GABRB3: variants seen among roughly 807,000 people sequenced by gnomAD.
GABRB3 encodes gamma-aminobutyric acid receptor subunit beta-3.
A neutral mutation model predicts 52.1 loss-of-function variants in GABRB3; 14 were observed. That is an observed-to-expected ratio of 0.27 (90% confidence interval 0.18 to 0.42). The LOEUF is 0.42. Among genes scored for constraint, GABRB3 ranks in the 10% least tolerant of loss-of-function variants. The probability of loss-of-function intolerance (pLI) is 1.00; values close to 1 mark genes in which losing one functional copy is unlikely to be tolerated. For missense variants in GABRB3, 307 were observed against 609.1 expected, an observed-to-expected ratio of 0.50 and a Z score of 5.22; for synonymous variants, 260 against 232.3, an observed-to-expected ratio of 1.12 and a Z score of -1.08.
At chr15:26,584,069 C>A (rs1446089431) in intron 4 of GABRB3, among the ~76,000 whole-genome samples, 1 of 152,202 alleles carries the variant, frequency 6.6e-6, no homozygotes, top group Non-Finnish European at 1.5e-5. Context: ...AGCCACCGCA[C>A]CTGGCCTGTA....
Position 26,722,953 on chromosome 15 carries a change from TTC to T in GABRB3, c.240+49447_240+49448del, listed in dbSNP as rs1204865960. On this transcript the variant is annotated intron_variant, in intron 3 of 8. Transcript: ENST00000311550. Reference sequence around the variant, plus strand: ...CTTCACACTATGTTAGATTGTATCATTCATTTCCCAGGAGAGTGATTTCATTT... The same window carrying T: ...CTTCACACTATGTTAGATTGTATCATATTTCCCAGGAGAGTGATTTCATTT... 2.6e-5 allele frequency among the ~76,000 whole-genome samples: 4 copies of T among 152,310 alleles called. No homozygotes were observed. The East Asian group carries it at 7.7e-4, about 29-fold the overall frequency.
intron 3 of GABRB3, among the ~76,000 whole-genome samples, chr15:26,737,617 ATGTG>A (rs138524604): frequency 6.7e-6 from 1 of 149,302 alleles, no homozygotes; most frequent in African/African-American, 2.5e-5. Flanking sequence ...ATTTACTACA[ATGTG>A]TGTGTGTGTG....
intron 4 of GABRB3, chr15:26,615,849 T>G: frequency 8.2e-7 from 1 of 1,225,046 alleles, no homozygotes; most frequent in Non-Finnish European, 1.0e-6. Context: ...AAATTCAGTC[T>G]GAAGGTCTCA....
At chr15:26,549,808 C>T (rs960845809) in intron 8 of GABRB3, among the ~76,000 whole-genome samples, 2 of 152,228 alleles carry the variant, frequency 1.3e-5, no homozygotes, top group East Asian at 1.9e-4. Flanking sequence ...AATCAGAACA[C>T]GCCTCATTAC....
At chr15:26,634,175 T>C (rs961647930) in intron 3 of GABRB3, among the ~76,000 whole-genome samples, 6 of 152,146 alleles carry the variant, frequency 3.9e-5, no homozygotes, top group South Asian at 2.1e-4. Flanking sequence ...GGGTCTTCGT[T>C]CTTCCACTGC....
chr15:26,559,172 A>G (rs1008226306), intron 8 of GABRB3, among the ~76,000 whole-genome samples: 9 of 152,218 alleles, frequency 5.9e-5, no homozygotes, highest in African/African-American at 2.2e-4. Context: ...CAGATTCCTC[A>G]TGAATTGTTG....
chr15:26,593,491 A>G (rs1428996037), intron 4 of GABRB3, among the ~76,000 whole-genome samples: 3 of 152,240 alleles, frequency 2.0e-5, no homozygotes, highest in East Asian at 3.9e-4. Context: ...CAGGCCCAGT[A>G]ACCTGTTCAC....
intron 3 of GABRB3, among the ~76,000 whole-genome samples, chr15:26,729,647 T>C (rs1390279726): frequency 6.6e-6 from 1 of 152,178 alleles, no homozygotes; most frequent in Non-Finnish European, 1.5e-5. Flanking sequence ...CTATAACTTC[T>C]TGAGCCAAAA....
intron 3 of GABRB3, among the ~76,000 whole-genome samples, chr15:26,673,916 G>A (rs1163181389): frequency 1.3e-5 from 2 of 152,172 alleles, no homozygotes; most frequent in African/African-American, 2.4e-5. Flanking sequence ...TACCTTAGCA[G>A]TATTGTTATG....
intron 3 of GABRB3, among the ~76,000 whole-genome samples, chr15:26,628,802 G>A (rs544646816): frequency 6.6e-6 from 1 of 152,324 alleles, no homozygotes; most frequent in African/African-American, 2.4e-5. Context: ...GACCCCCCCA[G>A]GGTAGCTGAG....
chr15:26,688,713 A>G (rs1193287057), intron 3 of GABRB3, among the ~76,000 whole-genome samples: 1 of 152,222 alleles, frequency 6.6e-6, no homozygotes, highest in Non-Finnish European at 1.5e-5. Flanking sequence ...CAGGAATCAT[A>G]GAAGTCACTT....
At chr15:26,765,075 A>G (rs1890958493) in intron 3 of GABRB3, among the ~76,000 whole-genome samples, 1 of 147,070 alleles carries the variant, frequency 6.8e-6, no homozygotes, top group Admixed American at 7.0e-5. Context: ...GCTTGCAGTG[A>G]GCCGACATCA....
At chr15:26,667,761 C>T (rs956975477) in intron 3 of GABRB3, among the ~76,000 whole-genome samples, 13 of 152,122 alleles carry the variant, frequency 8.5e-5, no homozygotes, top group Admixed American at 5.2e-4. Context: ...TCATCCCAGA[C>T]CAGTTTATTC....
intron 3 of GABRB3, among the ~76,000 whole-genome samples, chr15:26,647,921 G>C (rs1049384344): frequency 3.9e-5 from 6 of 152,148 alleles, no homozygotes; most frequent in African/African-American, 1.4e-4. Context: ...CAACTAACGG[G>C]TTACCCTGGT....
At chr15:26,742,390 A>AC (rs1482492734) in intron 3 of GABRB3, among the ~76,000 whole-genome samples, 1 of 151,670 alleles carries the variant, frequency 6.6e-6, no homozygotes, top group Non-Finnish European at 1.5e-5. Context: ...ATTGAAAAAA[A>AC]AAAAAGCCTC....
At chr15:26,727,191 C>T (rs1889796443) in intron 3 of GABRB3, among the ~76,000 whole-genome samples, 1 of 152,076 alleles carries the variant, frequency 6.6e-6, no homozygotes, top group African/African-American at 2.4e-5. Context: ...CCAGTTTTAG[C>T]ATGTACTAAT....
At chr15:26,647,682 G>A (rs900856347) in intron 3 of GABRB3, among the ~76,000 whole-genome samples, 1 of 150,738 alleles carries the variant, frequency 6.6e-6, no homozygotes, top group Non-Finnish European at 1.5e-5. Context: ...CGTTTGGAAT[G>A]CAGTCTGTAG....
chr15:26,725,716 T>C (rs1201581849), intron 3 of GABRB3, among the ~76,000 whole-genome samples: 1 of 152,208 alleles, frequency 6.6e-6, no homozygotes, highest in African/African-American at 2.4e-5. Flanking sequence ...TATAATGAGA[T>C]ATCCTGGGGA....
At chr15:26,749,859 T>A (rs1256929957) in intron 3 of GABRB3, 1 of 152,148 alleles carries the variant, frequency 6.6e-6, no homozygotes, top group Non-Finnish European at 1.5e-5. Flanking sequence ...AAAGAAAACC[T>A]AAGGAACTCA....
Sources: gnomAD v4.1 joint callset for allele counts (sites outside exome capture counted in the v4.1 genomes callset) on GRCh38, gnomAD v4.1.1 for gene constraint, MANE v1.5 for transcripts, NCBI Gene and HGNC (gene_info 2026-07-23, HGNC 2026-07-21) for gene names.